Variants in BCO2 observed in about 807,000 individuals in gnomAD.
The protein encoded by BCO2 is carotenoid-cleaving dioxygenase, mitochondrial.
In BCO2, 56 loss-of-function variants were observed where a neutral mutation model predicts 65.8. The ratio of observed to expected loss-of-function variants is 0.85; its 90% CI spans 0.69 to 1.06. The LOEUF (loss-of-function observed/expected upper bound fraction) is 1.06. Ranked by LOEUF, BCO2 falls within the 50% of genes least tolerant of loss-of-function variation. BCO2 has a pLI of 0.00. For missense variants in BCO2, 675 were observed against 698.5 expected (o/e 0.97, Z 0.38); for synonymous variants, 233 against 242.3 (o/e 0.96, Z 0.36).
At chr11:112,211,319 TAC>T (rs71060232) in intron 8 of BCO2, among the ~76,000 whole-genome samples, 39,165 of 128,304 alleles carry the variant, frequency 0.31, 5,200 homozygotes, top group East Asian at 0.51. Context: ...TTCGATTGTA[TAC>T]ACACACACAC....
rs575367537 is a variant in BCO2 at position 112,199,120 on chromosome 11, C to G, written c.737-579C>G. On this transcript the variant is annotated intron_variant, in intron 5 of 11. Transcript: ENST00000357685. ...CTATCCCTCCCCTAGCTCCCCACCC[C>G]CTGAAAGGCCCTGGTGTGTGACGTT... 5.3e-5 allele frequency among the ~76,000 whole-genome samples: 8 copies of G among 152,194 alleles called. No individual in the cohort carries two copies. In the South Asian group the frequency reaches 1.2e-3, roughly 24 times the overall value.
At chr11:112,210,779 C>G (rs1177315570) in intron 8 of BCO2, among the ~76,000 whole-genome samples, 1 of 151,220 alleles carries the variant, frequency 6.6e-6, no homozygotes, top group South Asian at 2.1e-4. Context: ...CACACACACA[C>G]ACACGAATGC....
chr11:112,179,348 T>C lies in BCO2; in HGVS notation c.159T>C (p.Cys53=). The C allele has an allele frequency of 1.9e-6, 3 of 1,614,226 alleles. No homozygotes were observed. Among genetic ancestry groups the C allele is most frequent in the Non-Finnish European group, 2.5e-6 (3 of 1,180,038 alleles). ...TTGGGCAGTGTCGGGGTCTGCCATG[T>C]GTTGCACCGCTGCTGACCACAGTGG... The part of the protein sequence containing the change: ...AVFGQCRGLP[C]VAPLLTTVEE... Residue 53 remains cysteine (C), a synonymous_variant, in exon 2 of 12, where the codon TGT becomes TGC. Transcript: ENST00000357685.
intron 2 of BCO2, chr11:112,180,802 C>A (rs1867019266): frequency 2.0e-6 from 2 of 1,018,246 alleles, no homozygotes; most frequent in African/African-American, 1.6e-5. Flanking sequence ...TCCTGAACGG[C>A]AGCCCCAAGA....
At chr11:112,188,472 CT>C (rs5794780) in intron 2 of BCO2, among the ~76,000 whole-genome samples, 57,394 of 151,888 alleles carry the variant, frequency 0.38, 11,193 homozygotes, top group South Asian at 0.6. Flanking sequence ...CAACTTCACA[CT>C]TTCCTGTTGA....
chr11:112,187,768 C>T (rs1422835803), intron 2 of BCO2, among the ~76,000 whole-genome samples: 3 of 152,028 alleles, frequency 2.0e-5, no homozygotes, highest in South Asian at 2.1e-4. Flanking sequence ...TTAGAGCTCA[C>T]CTTACCTTTT....
intron 7 of BCO2, among the ~76,000 whole-genome samples, chr11:112,201,342 G>T (rs574945053): frequency 1.3e-5 from 2 of 152,034 alleles, no homozygotes; most frequent in East Asian, 1.9e-4. Flanking sequence ...TAGAGACAGG[G>T]TTTCACCATA....
chr11:112,217,756 TCTAGAATGAAAGCAATTTTATC>T lies in BCO2; in HGVS notation c.1627_1648del (p.Asn543PhefsTer40). Reference sequence around the variant, plus strand: ...TAATTTTCAATATTGTCTTTTCTTTTCTAGAATGAAAGCAATTTTATCCTAGTTTTGGATGCCAAGAACTTTG... The same window carrying T: ...TAATTTTCAATATTGTCTTTTCTTTTCTAGTTTTGGATGCCAAGAACTTTG... On this transcript the variant is annotated splice_acceptor_variant and splice_polypyrimidine_tract_variant and coding_sequence_variant and intron_variant, in exon 12 of 12. Transcript: ENST00000357685. LOFTEE classifies it high-confidence loss of function. 1.3e-6 allele frequency: 2 copies of T among 1,593,984 alleles called. No individual in the cohort carries two copies. The highest frequency in any genetic ancestry group is 1.7e-6 in the Non-Finnish European group (2 of 1,164,972).
chr11:112,200,555 A>G (rs1867699558), intron 6 of BCO2, 58 bp from the exon 7 acceptor site: 2 of 1,507,766 alleles, frequency 1.3e-6, no homozygotes, highest in Non-Finnish European at 1.8e-6. Flanking sequence ...TAACTGGCAC[A>G]TTTCAGACAA....
chr11:112,183,123 T>G, intron 2 of BCO2: 1 of 1,277,162 alleles, frequency 7.8e-7, no homozygotes, highest in Middle Eastern at 2.6e-4. Context: ...CCTGAGAGGG[T>G]CCAACATGAA....
intron 8 of BCO2, among the ~76,000 whole-genome samples, chr11:112,206,691 T>C (rs1859351956): frequency 6.6e-6 from 1 of 152,208 alleles, no homozygotes; most frequent in Non-Finnish European, 1.5e-5. Flanking sequence ...CTTTTCGTTT[T>C]GTTGATTGTT....
chr11:112,182,564 A>G (rs1867082779), intron 2 of BCO2, among the ~76,000 whole-genome samples: 1 of 152,214 alleles, frequency 6.6e-6, no homozygotes, highest in Non-Finnish European at 1.5e-5. Flanking sequence ...ACATGGATGA[A>G]GCTGGAAACT....
intron 2 of BCO2, among the ~76,000 whole-genome samples, chr11:112,192,762 A>G (rs1867428682): frequency 6.8e-6 from 1 of 147,586 alleles, no homozygotes; most frequent in Non-Finnish European, 1.5e-5. Context: ...AGCCTCCTAA[A>G]TTGCTGGGAT....
intron 2 of BCO2, among the ~76,000 whole-genome samples, chr11:112,185,423 T>A (rs763594305): frequency 1.4e-4 from 22 of 152,286 alleles, no homozygotes; most frequent in South Asian, 6.2e-4. Context: ...CAGGAAGGAA[T>A]CTGCTTTGTT....
chr11:112,215,432 T>G (rs560786997), intron 10 of BCO2: 2 of 162,850 alleles, frequency 1.2e-5, no homozygotes, highest in African/African-American at 4.8e-5. Context: ...AGGTTTAGGC[T>G]GGGTGTGGTG....
chr11:112,178,328 A>G (rs555701559), intron 1 of BCO2, among the ~76,000 whole-genome samples: 1 of 152,336 alleles, frequency 6.6e-6, no homozygotes, highest in South Asian at 2.1e-4. Context: ...TACATGTCAT[A>G]TAGGGGAGTA....
Position 112,200,742 on chromosome 11 carries a change from G to A in BCO2, c.995G>A (p.Arg332Gln), listed in dbSNP as rs201893014. The A allele has an allele frequency of 1.5e-5, 25 of 1,613,512 alleles. No homozygotes were observed. Among genetic ancestry groups the A allele is most frequent in the Middle Eastern group, 1.6e-4 (1 of 6,082 alleles). Residue 332 changes from arginine (R) to glutamine (Q), a missense_variant, in exon 7 of 12, where the codon CGG (arginine) becomes CAG (glutamine). Coordinates refer to ENST00000357685, the MANE Select transcript of BCO2 (RefSeq NM_031938.7). ...GISWEPQCNTRFHVVEKRTGQ... is the reference protein window; with the variant it reads ...GISWEPQCNTQFHVVEKRTGQ... ...AGCTGGGAACCCCAGTGTAATACGCGGTTTCATGTGGTGGAAAAACGCACT... is the reference window on the plus strand; with the variant it reads ...AGCTGGGAACCCCAGTGTAATACGCAGTTTCATGTGGTGGAAAAACGCACT...
At chr11:112,188,618 C>T (rs1275428778) in intron 2 of BCO2, among the ~76,000 whole-genome samples, 1 of 152,190 alleles carries the variant, frequency 6.6e-6, no homozygotes, top group Admixed American at 6.5e-5. Flanking sequence ...CTGACCCTTC[C>T]TCCTTCCATC....
chr11:112,202,962 A>C (rs1867773279), intron 8 of BCO2, among the ~76,000 whole-genome samples: 2 of 151,442 alleles, frequency 1.3e-5, no homozygotes, highest in Admixed American at 1.3e-4. Flanking sequence ...AGGCAGGAGT[A>C]TCACTTGAAC....
Sources: allele counts gnomAD v4.1 joint callset (sites outside exome capture counted in the v4.1 genomes callset), GRCh38; gene constraint gnomAD v4.1.1; transcripts MANE v1.5; gene names NCBI Gene and HGNC (gene_info 2026-07-23, HGNC 2026-07-21).